Variants in SRSF4 observed in about 807,000 individuals in gnomAD.
The protein encoded by SRSF4 is serine/arginine-rich splicing factor 4.
In SRSF4, 12 loss-of-function variants were observed where a neutral mutation model predicts 48.8. That is an observed-to-expected ratio of 0.25 (90% CI 0.16 to 0.40). The LOEUF (loss-of-function observed/expected upper bound fraction) is 0.40, where lower values mean the gene tolerates loss of function less well. Ranked by LOEUF, SRSF4 falls within the 10% of genes least tolerant of loss-of-function variation. The pLI is 1.00. For synonymous variants in SRSF4, 248 were observed against 232.5 expected (o/e 1.07, Z -0.61); for missense variants, 466 against 667.1 (o/e 0.70, Z 3.32).
intron 1 of SRSF4, among the ~76,000 whole-genome samples, chr1:29,167,662 C>T (rs1672686569): frequency 6.6e-6 from 1 of 152,206 alleles, no homozygotes; most frequent in African/African-American, 2.4e-5. Context: ...GGATTACAGG[C>T]GTGAGCCACT....
Position 29,160,357 on chromosome 1 carries a change from T to A in SRSF4, c.250+18A>T, listed in dbSNP as rs1468748672. On this transcript the variant is annotated intron_variant, in intron 2 of 5. Transcript: ENST00000373795. ...CAAAAGCACGTTACTGATAAAAGTA[T>A]GCCCTTTGAATGCTTACTGCGTCCA... is the stretch of plus-strand genomic sequence containing the variant. 3 of 1,600,332 alleles carry A rather than the reference T, an allele frequency of 1.9e-6. No homozygotes were observed. Among genetic ancestry groups the A allele is most frequent in the Admixed American group, 1.8e-5 (1 of 56,150 alleles).
intron 1 of SRSF4, among the ~76,000 whole-genome samples, chr1:29,173,946 T>C (rs575333230): frequency 6.6e-6 from 1 of 151,648 alleles, no homozygotes; most frequent in African/African-American, 2.4e-5. Flanking sequence ...CCCAGCACTT[T>C]GGGAGGATGA....
In SRSF4 at chr1:29,148,294, C is replaced by A; in HGVS notation, c.*116G>T. 1.5e-6 allele frequency: 2 copies of A among 1,342,294 alleles called. No homozygotes were observed. The highest frequency in any genetic ancestry group is 1.0e-6 in the Non-Finnish European group (1 of 959,094). 83.1% of individuals were successfully genotyped at this position (1,342,294 alleles called of 1,614,324 possible). ...TTAGATTTAACAATTATAGACACAC[C>A]ATTAGGGGAGTTAAAAATGTACAGC... is the stretch of plus-strand genomic sequence containing the variant. On this transcript the variant is annotated 3_prime_UTR_variant, in exon 6 of 6. Coordinates refer to ENST00000373795, the MANE Select transcript of SRSF4 (RefSeq NM_005626.5).
intron 3 of SRSF4, among the ~76,000 whole-genome samples, chr1:29,155,268 A>G (rs1672482988): frequency 6.6e-6 from 1 of 152,002 alleles, no homozygotes; most frequent in Admixed American, 6.6e-5. Flanking sequence ...TATCTCTACA[A>G]AAATTGAAAA....
intron 4 of SRSF4, 131 bp from the exon 5 acceptor site, chr1:29,150,323 G>A (rs573061617): frequency 7.4e-5 from 28 of 377,870 alleles, no homozygotes; most frequent in African/African-American, 5.8e-4. Context: ...GGAGTGCAAT[G>A]GCGCGATCTC....
chr1:29,167,011 T>G (rs1251210879), intron 1 of SRSF4: 1 of 152,230 alleles, frequency 6.6e-6, no homozygotes, highest in Non-Finnish European at 1.5e-5. Flanking sequence ...GACTATATCT[T>G]ATTGGTTACC....
At chr1:29,163,327 T>C (rs1672625734) in intron 1 of SRSF4, among the ~76,000 whole-genome samples, 1 of 152,224 alleles carries the variant, frequency 6.6e-6, no homozygotes, top group Admixed American at 6.5e-5. Flanking sequence ...TACTATTCTG[T>C]GAAAAAATCT....
At chr1:29,172,163 C>T (rs1672753618) in intron 1 of SRSF4, 1 of 152,154 alleles carries the variant, frequency 6.6e-6, no homozygotes, top group Middle Eastern at 3.4e-3. Flanking sequence ...AAAATTTGAT[C>T]ACATTTGTAA....
intron 1 of SRSF4, among the ~76,000 whole-genome samples, chr1:29,164,174 T>C (rs1399941038): frequency 6.6e-6 from 1 of 152,166 alleles, no homozygotes; most frequent in East Asian, 1.9e-4. Flanking sequence ...ATTTAAACTC[T>C]AAAATTTGAC....
rs142987923 is a variant in SRSF4 at position 29,148,904 on chromosome 1, G to A, written c.991C>T (p.Arg331Trp). 2.5e-5 allele frequency: 40 copies of A among 1,610,780 alleles called. No homozygotes were observed. The highest frequency in any genetic ancestry group is 8.9e-5 in the East Asian group (4 of 44,810). The change falls in exon 6 of 6, where the codon CGG (arginine) becomes TGG (tryptophan). Residue 331 changes from arginine (R) to tryptophan (W), a missense_variant. Transcript: ENST00000373795. Reference protein sequence around the residue: ...RSQEKSLRQSRSRSRSKGGSR... With the variant: ...RSQEKSLRQSWSRSRSKGGSR... ...CCCCCTTTGCTCCTGCTCCGGCTCC[G>A]ACTCTGGCGGAGGCTCTTCTCCTGG... is the stretch of plus-strand genomic sequence containing the variant.
chr1:29,181,825 G>C lies in SRSF4; in HGVS notation c.-73C>G. The stretch of plus-strand genomic sequence containing the variant: ...CGGCGGCGGGCAAAGCGAGAGCACG[G>C]CGGCAGCGGCGGCGGCGGCAACGGG... On this transcript the variant is annotated 5_prime_UTR_variant, in exon 1 of 6. Coordinates refer to ENST00000373795, the MANE Select transcript of SRSF4 (RefSeq NM_005626.5). 2 of 1,269,966 alleles carry C rather than the reference G, an allele frequency of 1.6e-6. No homozygotes were observed. Among genetic ancestry groups the C allele is most frequent in the Non-Finnish European group, 2.0e-6 (2 of 978,914 alleles). 78.7% of individuals were successfully genotyped at this position (1,269,966 alleles called of 1,614,324 possible). A position where few individuals can be genotyped will look rare whatever the true frequency, so the allele number is the denominator to read the frequency against.
At chr1:29,150,325 C>T (rs545324546) in intron 4 of SRSF4, 133 bp from the exon 5 acceptor site, 42 of 364,374 alleles carry the variant, frequency 1.2e-4, no homozygotes, top group African/African-American at 5.0e-4. Context: ...AGTGCAATGG[C>T]GCGATCTCGG....
intron 4 of SRSF4, 134 bp downstream of exon 4, chr1:29,154,562 G>T: frequency 2.4e-6 from 2 of 831,714 alleles, no homozygotes; most frequent in Non-Finnish European, 3.7e-6. Context: ...TAAATGTTCA[G>T]TTCAAAATTC....
chr1:29,162,015 T>C (rs1672604518), intron 1 of SRSF4, among the ~76,000 whole-genome samples: 1 of 152,230 alleles, frequency 6.6e-6, no homozygotes, highest in Non-Finnish European at 1.5e-5. Context: ...AAGGTGACAA[T>C]GTGCTAGGTT....
Position 29,148,343 on chromosome 1 carries a change from C to A in SRSF4, c.*67G>T. ...GCAGTGACATGTTCTACTCCAATCA[C>A]TTGTGCTACGGCTACCAAACATGTA... On this transcript the variant is annotated 3_prime_UTR_variant, in exon 6 of 6. Coordinates refer to ENST00000373795, the MANE Select transcript of SRSF4 (RefSeq NM_005626.5). The A allele has an allele frequency of 6.5e-7, 1 of 1,545,076 alleles. No individual in the cohort carries two copies. Among genetic ancestry groups the A allele is most frequent in the Non-Finnish European group, 8.8e-7 (1 of 1,142,698 alleles).
At chr1:29,159,749 C>A in intron 2 of SRSF4, 2 of 267,290 alleles carry the variant, frequency 7.5e-6, no homozygotes, top group Non-Finnish European at 7.1e-6. Flanking sequence ...AAACTATTAA[C>A]AATTTAACAA....
intron 1 of SRSF4, chr1:29,171,181 TGAG>T (rs772726070): frequency 6.6e-6 from 1 of 151,922 alleles, no homozygotes; most frequent in East Asian, 1.9e-4. Context: ...AAGAGTAGCC[TGAG>T]GAGGAGAATC....
At chr1:29,156,061 A>G (rs1043435983) in intron 3 of SRSF4, among the ~76,000 whole-genome samples, 11 of 152,210 alleles carry the variant, frequency 7.2e-5, no homozygotes, top group Admixed American at 6.5e-5. Context: ...GAACAAAAAG[A>G]AATTTATTTT....
At chr1:29,177,156 T>C (rs561996190) in intron 1 of SRSF4, among the ~76,000 whole-genome samples, 1 of 152,234 alleles carries the variant, frequency 6.6e-6, no homozygotes, top group South Asian at 2.1e-4. Context: ...ATAAAATCTA[T>C]ATACAATCAA....
Sources: gnomAD v4.1 joint callset for allele counts (sites outside exome capture counted in the v4.1 genomes callset) on GRCh38, gnomAD v4.1.1 for gene constraint, MANE v1.5 for transcripts, NCBI Gene and HGNC (gene_info 2026-07-23, HGNC 2026-07-21) for gene names.